The following GRID1 variants were observed in gnomAD, a reference collection of about 807,000 sequenced individuals.
The protein encoded by GRID1 is glutamate ionotropic receptor delta type subunit 1, also known as glutamate receptor ionotropic, delta-1.
Under a neutral mutation model 98.0 loss-of-function variants are expected in GRID1, and 28 were observed. That is an observed-to-expected ratio of 0.29 (90% CI 0.21 to 0.39). GRID1 has a LOEUF of 0.39. Among genes scored for constraint, GRID1 ranks in the 10% least tolerant of loss-of-function variants. The probability of loss-of-function intolerance (pLI) is 1.00; values close to 1 mark genes in which losing one functional copy is unlikely to be tolerated. For synonymous variants in GRID1, 553 were observed against 538.5 expected (o/e 1.03, Z -0.37); for missense variants, 1,111 against 1,340.5 (o/e 0.83, Z 2.67).
chr10:86,018,807 C>G (rs991246856), intron 4 of GRID1, among the ~76,000 whole-genome samples: 1 of 152,220 alleles, frequency 6.6e-6, no homozygotes, highest in Middle Eastern at 3.2e-3. Flanking sequence ...CCATGTGTTT[C>G]AACAGTTACC....
chr10:85,807,330 G>A (rs1405862934), intron 8 of GRID1, among the ~76,000 whole-genome samples: 1 of 151,434 alleles, frequency 6.6e-6, no homozygotes, highest in Non-Finnish European at 1.5e-5. Context: ...GGTCTGGATG[G>A]CAGGGCAAGA....
intron 8 of GRID1, among the ~76,000 whole-genome samples, chr10:85,789,671 G>A (rs1253847808): frequency 6.6e-6 from 1 of 152,138 alleles, no homozygotes; most frequent in Non-Finnish European, 1.5e-5. Flanking sequence ...AGGTTTCACA[G>A]CTGAGAGGAA....
At chr10:85,781,255 T>C (rs1842378487) in intron 8 of GRID1, among the ~76,000 whole-genome samples, 1 of 152,216 alleles carries the variant, frequency 6.6e-6, no homozygotes, top group Non-Finnish European at 1.5e-5. Context: ...ATTTTTCCTC[T>C]GCTAGAAGGA....
chr10:85,803,831 G>A (rs1248960938), intron 8 of GRID1, among the ~76,000 whole-genome samples: 1 of 151,862 alleles, frequency 6.6e-6, no homozygotes, highest in Non-Finnish European at 1.5e-5. Context: ...TATACTTTTT[G>A]TTATATTTTG....
chr10:86,067,249 G>A (rs777718440), intron 4 of GRID1, among the ~76,000 whole-genome samples: 3 of 152,186 alleles, frequency 2.0e-5, no homozygotes, highest in Non-Finnish European at 4.4e-5. Context: ...CAGAGCCTCC[G>A]CGCTCTGCAT....
intron 8 of GRID1, among the ~76,000 whole-genome samples, chr10:85,790,171 C>T (rs913429848): frequency 7.2e-5 from 11 of 152,224 alleles, no homozygotes; most frequent in African/African-American, 2.7e-4. Flanking sequence ...TCCACCAAAG[C>T]GGGTGAGGGC....
intron 8 of GRID1, among the ~76,000 whole-genome samples, chr10:85,768,694 T>C (rs1022729889): frequency 6.6e-6 from 1 of 152,206 alleles, no homozygotes; most frequent in Non-Finnish European, 1.5e-5. Flanking sequence ...TGTGTTACCA[T>C]TTTTCACCTA....
intron 2 of GRID1, among the ~76,000 whole-genome samples, chr10:86,346,710 C>T (rs1848388334): frequency 6.6e-6 from 1 of 152,236 alleles, no homozygotes; most frequent in African/African-American, 2.4e-5. Flanking sequence ...CAGGCATTGG[C>T]CCCACTAGGC....
intron 12 of GRID1, among the ~76,000 whole-genome samples, chr10:85,676,812 T>C (rs576425625): frequency 6.6e-6 from 1 of 152,324 alleles, no homozygotes; most frequent in African/African-American, 2.4e-5. Context: ...CTCCTCTAAG[T>C]CCTCAGGGAC....
chr10:85,607,807 C>CTTTTT (rs749667195), intron 15 of GRID1, among the ~76,000 whole-genome samples: 17 of 137,636 alleles, frequency 1.2e-4, no homozygotes, highest in African/African-American at 1.9e-4. Flanking sequence ...TTTCCTTTTC[C>CTTTTT]TTTTTTTTTT....
At chr10:86,010,087 C>T (rs1279435908) in intron 4 of GRID1, among the ~76,000 whole-genome samples, 10 of 152,238 alleles carry the variant, frequency 6.6e-5, no homozygotes, top group Non-Finnish European at 1.3e-4. Context: ...ACTCAGTTCT[C>T]TTCTCAGCTC....
In GRID1 at chr10:86,366,062, G is replaced by T. The variant is rs1233671998; in HGVS notation, c.79+252C>A. 6.6e-6 allele frequency among the ~76,000 whole-genome samples: 1 copy of T among 152,106 alleles called. No homozygotes were observed. The highest frequency in any genetic ancestry group is 1.5e-5 in the Non-Finnish European group (1 of 68,010). On this transcript the variant is annotated intron_variant, in intron 1 of 15. Coordinates refer to ENST00000327946, the MANE Select transcript of GRID1 (RefSeq NM_017551.3). This position sits in a 1 kb window ranked among gnomAD's most constrained non-coding sequence, Gnocchi z 4.1. ...CGTCCATCCCGGTGTTCCCCGAAGC[G>T]TCGGCCCTAAGTGTCGGTAGAGGCC...
chr10:86,005,021 A>C (rs10887544), intron 4 of GRID1, among the ~76,000 whole-genome samples: 117,835 of 152,100 alleles, frequency 0.77, 45,794 homozygotes, highest in South Asian at 0.85. Flanking sequence ...TCACATCAGG[A>C]AAGCAATGAA....
intron 13 of GRID1, among the ~76,000 whole-genome samples, chr10:85,638,149 A>G (rs1225400048): frequency 1.3e-5 from 2 of 152,218 alleles, no homozygotes; most frequent in African/African-American, 4.8e-5. Flanking sequence ...TTATGCACAA[A>G]AAAGTTGAAA....
intron 13 of GRID1, among the ~76,000 whole-genome samples, chr10:85,622,866 G>C (rs1402738199): frequency 1.3e-5 from 2 of 152,196 alleles, no homozygotes; most frequent in African/African-American, 4.8e-5. Context: ...CTTAGAACTT[G>C]ACTGAGCCCT....
At chr10:85,711,389 G>T (rs980492011) in intron 12 of GRID1, among the ~76,000 whole-genome samples, 1 of 151,820 alleles carries the variant, frequency 6.6e-6, no homozygotes, top group Non-Finnish European at 1.5e-5. Context: ...AAAAACAATT[G>T]CCATATAATG....
chr10:85,825,964 T>C (rs1842815760), intron 8 of GRID1, among the ~76,000 whole-genome samples: 1 of 151,618 alleles, frequency 6.6e-6, no homozygotes, highest in Non-Finnish European at 1.5e-5. Flanking sequence ...AAATAACAAA[T>C]AAAAAAGAGA....
chr10:85,863,677 C>T (rs926964728), intron 6 of GRID1, among the ~76,000 whole-genome samples: 2 of 152,200 alleles, frequency 1.3e-5, no homozygotes, highest in Admixed American at 6.5e-5. Flanking sequence ...GCTGCCAGGT[C>T]GATCCAGCTA....
At chr10:86,093,690 T>C (rs73344063) in intron 4 of GRID1, among the ~76,000 whole-genome samples, 17,421 of 151,898 alleles carry the variant, frequency 0.11, 1,351 homozygotes, top group African/African-American at 0.22. Context: ...CAACAAGCAG[T>C]GGGATTGAAA....
Sources: allele counts gnomAD v4.1 joint callset (sites outside exome capture counted in the v4.1 genomes callset), GRCh38; gene constraint gnomAD v4.1.1; non-coding constraint Gnocchi (gnomAD v3.1); transcripts MANE v1.5; gene names NCBI Gene and HGNC (gene_info 2026-07-23, HGNC 2026-07-21).